Variants in CNOT8 observed in about 807,000 individuals in gnomAD.
The protein encoded by CNOT8 is CAF1-like protein.
In CNOT8, 18 loss-of-function variants were observed where a neutral mutation model predicts 34.6. The observed-to-expected ratio is 0.52, with a 90% CI of 0.36 to 0.77. The LOEUF is 0.77. Among genes scored for constraint, CNOT8 ranks in the 30% least tolerant of loss-of-function variants. The pLI, the probability that CNOT8 is intolerant of heterozygous loss-of-function variation, is 0.00. For missense variants in CNOT8, 189 were observed against 347.9 expected, an observed-to-expected ratio of 0.54 and a Z score of 3.63; for synonymous variants, 101 against 118.8, an observed-to-expected ratio of 0.85 and a Z score of 0.98.
intron 6 of CNOT8, among the ~76,000 whole-genome samples, chr5:154,875,028 C>T (rs1035479297): frequency 5.4e-5 from 8 of 148,380 alleles, no homozygotes; most frequent in East Asian, 2.0e-4. Context: ...GTGATTCTTC[C>T]GCCTCAGCCT....
chr5:154,861,460 G>A (rs1310396495), intron 1 of CNOT8, among the ~76,000 whole-genome samples: 2 of 152,210 alleles, frequency 1.3e-5, no homozygotes, highest in African/African-American at 4.8e-5. Flanking sequence ...TTTCTCAGAA[G>A]TTTCTTAGAG....
chr5:154,871,878 T>G lies in CNOT8; in HGVS notation c.618+4T>G. ...GAAGAGCTGCAAAAATCTTAAGGTA[T>G]ATGATGTTTTTCTTAATACCAGTAA... On this transcript the variant is annotated splice_donor_region_variant and intron_variant, in intron 5 of 6. Coordinates refer to ENST00000285896, the MANE Select transcript of CNOT8 (RefSeq NM_001301073.2). 1 of 1,607,302 alleles carries G rather than the reference T, an allele frequency of 6.2e-7. No homozygotes were observed. The highest frequency in any genetic ancestry group is 8.5e-7 in the Non-Finnish European group (1 of 1,177,238).
intron 2 of CNOT8, 50 bp downstream of exon 2, chr5:154,863,445 G>T (rs747076716): frequency 9.6e-6 from 13 of 1,360,576 alleles, no homozygotes; most frequent in Non-Finnish European, 1.4e-5. Context: ...TAAAGTTGGG[G>T]TCTTGCTCTG....
intron 3 of CNOT8, among the ~76,000 whole-genome samples, chr5:154,869,680 A>G (rs1443901936): frequency 6.9e-6 from 1 of 144,256 alleles, no homozygotes; most frequent in African/African-American, 2.6e-5. Context: ...GCTGGAGCGC[A>G]GTGGCGCGAG....
rs755221649 is a variant in CNOT8, at chr5:154,870,763, G to A, written c.414G>A (p.Glu138=). 1.9e-6 allele frequency: 3 copies of A among 1,614,132 alleles called. No homozygotes were observed. The highest frequency in any genetic ancestry group is 2.5e-6 in the Non-Finnish European group (3 of 1,180,002). ...EEGIDTLHFA[E]LLMTSGVVLC... The stretch of plus-strand genomic sequence containing the variant: ...GGATTGACACACTGCACTTTGCAGA[G>A]CTGCTTATGACATCAGGAGTGGTTC... Residue 138 remains glutamate, a synonymous_variant, in exon 4 of 7, where the codon GAG becomes GAA. Transcript: ENST00000285896.
At chr5:154,867,679 T>C in intron 3 of CNOT8, 1 of 274,878 alleles carries the variant, frequency 3.6e-6, no homozygotes. Flanking sequence ...AAGAACTTTT[T>C]TCCTTTCACT....
Position 154,875,476 on chromosome 5 carries a change from G to T in CNOT8, c.*37G>T. On this transcript the variant is annotated 3_prime_UTR_variant, in exon 7 of 7. Coordinates refer to ENST00000285896, the MANE Select transcript of CNOT8 (RefSeq NM_001301073.2). Reference sequence around the variant, plus strand: ...TCTGCAGGGTGGGCCTGATCCCAGAGTGGTGCTTACTGTGCTGACTGTGTA... The same window carrying T: ...TCTGCAGGGTGGGCCTGATCCCAGATTGGTGCTTACTGTGCTGACTGTGTA... 1 of 1,608,660 alleles carries T rather than the reference G, an allele frequency of 6.2e-7. No homozygotes were observed. The highest frequency in any genetic ancestry group is 1.1e-5 in the South Asian group (1 of 90,660).
chr5:154,866,664 G>A (rs1045161595), intron 3 of CNOT8, among the ~76,000 whole-genome samples: 2 of 152,184 alleles, frequency 1.3e-5, no homozygotes, highest in Non-Finnish European at 2.9e-5. Flanking sequence ...CAGCACTCTG[G>A]GAGGCCGAGG....
chr5:154,859,086 A>G (rs1761080356), intron 1 of CNOT8: 1 of 152,238 alleles, frequency 6.6e-6, no homozygotes, highest in Non-Finnish European at 1.5e-5. Context: ...TAAGTGGCTT[A>G]TGCAAGGACA....
At chr5:154,867,052 T>C (rs1307514932) in intron 3 of CNOT8, among the ~76,000 whole-genome samples, 2 of 152,214 alleles carry the variant, frequency 1.3e-5, no homozygotes, top group African/African-American at 2.4e-5. Flanking sequence ...AAATCAAGAT[T>C]GCAGTGGTTT....
At chr5:154,859,309 A>T (rs2113217160) in intron 1 of CNOT8, 1 of 152,276 alleles carries the variant, frequency 6.6e-6, no homozygotes, top group South Asian at 2.1e-4. Context: ...CTGAATTTGG[A>T]ATCTTGCGGG....
chr5:154,875,487 T>C lies in CNOT8; in HGVS notation c.*48T>C. The C allele has an allele frequency of 6.3e-7, 1 of 1,597,968 alleles. No individual in the cohort carries two copies. The highest frequency in any genetic ancestry group is 1.1e-5 in the South Asian group (1 of 89,562). On this transcript the variant is annotated 3_prime_UTR_variant, in exon 7 of 7. Coordinates refer to ENST00000285896, the MANE Select transcript of CNOT8 (RefSeq NM_001301073.2). ...GGCCTGATCCCAGAGTGGTGCTTAC[T>C]GTGCTGACTGTGTACTTATCTTCCC...
At chr5:154,864,485 AGTCT>A (rs1761675593) in intron 2 of CNOT8, among the ~76,000 whole-genome samples, 1 of 152,070 alleles carries the variant, frequency 6.6e-6, no homozygotes, top group African/African-American at 2.4e-5. Flanking sequence ...TACAGAGTTA[AGTCT>A]TTAGCTTGGT....
intron 1 of CNOT8, among the ~76,000 whole-genome samples, chr5:154,860,429 C>T (rs1003991498): frequency 6.6e-5 from 10 of 152,100 alleles, no homozygotes; most frequent in Admixed American, 4.6e-4. Flanking sequence ...AGCTCAGTCT[C>T]CTGAGTAGCT....
chr5:154,871,460 G>A (rs1762472271), intron 4 of CNOT8, among the ~76,000 whole-genome samples: 1 of 151,212 alleles, frequency 6.6e-6, no homozygotes, highest in Admixed American at 6.6e-5. Flanking sequence ...TTGGGAGGCT[G>A]AGGCAGGGAT....
chr5:154,874,558 G>A (rs1057430828), intron 6 of CNOT8, among the ~76,000 whole-genome samples: 1 of 152,012 alleles, frequency 6.6e-6, no homozygotes, highest in Non-Finnish European at 1.5e-5. Context: ...CTTTCGAGAC[G>A]GAGTCTTGCA....
At chr5:154,858,355 G>A (rs1235683372), upstream of CNOT8, 3 of 152,286 alleles carry the variant, frequency 2.0e-5, no homozygotes, top group South Asian at 6.2e-4. Context: ...CGTGCTTCCA[G>A]GCCTCCACTC....
chr5:154,865,126 T>C, intron 2 of CNOT8, 66 bp from the exon 3 acceptor site: 2 of 1,275,376 alleles, frequency 1.6e-6, no homozygotes, highest in Non-Finnish European at 2.1e-6. Context: ...ATTTTATTTA[T>C]GAATTACCAA....
At chr5:154,872,259 T>G (rs570481883) in intron 5 of CNOT8, among the ~76,000 whole-genome samples, 1 of 152,304 alleles carries the variant, frequency 6.6e-6, no homozygotes, top group East Asian at 1.9e-4. Context: ...TGTCTAGAAT[T>G]AGAGTGGGAT....
Sources: allele counts gnomAD v4.1 joint callset (sites outside exome capture counted in the v4.1 genomes callset), GRCh38; gene constraint gnomAD v4.1.1; transcripts MANE v1.5; gene names NCBI Gene and HGNC (gene_info 2026-07-23, HGNC 2026-07-21).